CUL5: variants seen among roughly 807,000 people sequenced by gnomAD.
CUL5 encodes the protein cullin-5.
In CUL5, 26 loss-of-function variants were observed where a neutral mutation model predicts 108.8. The ratio of observed to expected loss-of-function variants is 0.24; its 90% CI spans 0.18 to 0.33. CUL5 has a LOEUF of 0.33. CUL5 is among the 10% of genes least tolerant of loss of function. The pLI is 1.00. For synonymous variants in CUL5, 334 were observed against 298.0 expected, an observed-to-expected ratio of 1.12 and a Z score of -1.25; for missense variants, 524 against 909.2, an observed-to-expected ratio of 0.58 and a Z score of 5.45.
At chr11:108,055,869 G>A (rs1005151676) in intron 7 of CUL5, among the ~76,000 whole-genome samples, 1 of 152,202 alleles carries the variant, frequency 6.6e-6, no homozygotes, top group Non-Finnish European at 1.5e-5. Context: ...AAGCTCAGGT[G>A]ATCCACCTGC....
At chr11:108,053,250 A>G (rs1863281468) in intron 5 of CUL5, among the ~76,000 whole-genome samples, 1 of 152,068 alleles carries the variant, frequency 6.6e-6, no homozygotes, top group African/African-American at 2.4e-5. Flanking sequence ...GCCTTTCTTA[A>G]TTCCCAGAGT....
chr11:108,091,695 T>TCACACACA (rs71303233), intron 13 of CUL5, among the ~76,000 whole-genome samples: 12,818 of 138,048 alleles, frequency 0.093, 693 homozygotes, highest in African/African-American at 0.13. Flanking sequence ...TCTCTCTCAC[T>TCACACACA]CACACACACA....
intron 13 of CUL5, among the ~76,000 whole-genome samples, chr11:108,091,232 A>G (rs1385775853): frequency 6.6e-6 from 1 of 151,910 alleles, no homozygotes; most frequent in East Asian, 1.9e-4. Context: ...TTGTATTTTT[A>G]GTAGAGACAC....
Position 108,089,600 on chromosome 11 carries a change from GA to G in CUL5, c.1424del (p.Asn475ThrfsTer3). 6.5e-7 allele frequency: 1 copy of G among 1,544,042 alleles called. No homozygotes were observed. On this transcript the variant is annotated frameshift_variant, in exon 13 of 19. Coordinates refer to ENST00000393094, the MANE Select transcript of CUL5 (RefSeq NM_003478.6). LOFTEE classifies it high-confidence loss of function. ...LDISADSEIEENMVEWLREVG... is the reference protein window; with the variant it reads ...LDISADSEIEXNMVEWLREVG... The stretch of plus-strand genomic sequence containing the variant: ...CATCTCTGCCGATAGTGAAATTGAA[GA>G]AAACATGGTAGAGTGGCTAAGAGTA...
chr11:108,046,155 A>G, intron 2 of CUL5, 115 bp from the exon 3 acceptor site: 1 of 586,330 alleles, frequency 1.7e-6, no homozygotes, highest in Non-Finnish European at 2.9e-6. Flanking sequence ...GAATTCAGAC[A>G]CCATTTACTT....
chr11:108,054,206 G>T (rs2135138754), intron 5 of CUL5, among the ~76,000 whole-genome samples: 1 of 152,264 alleles, frequency 6.6e-6, no homozygotes, highest in East Asian at 1.9e-4. Flanking sequence ...ACAACCATTT[G>T]TAATTTACCA....
intron 7 of CUL5, among the ~76,000 whole-genome samples, chr11:108,064,375 C>T (rs766867443): frequency 3.3e-5 from 5 of 152,146 alleles, no homozygotes; most frequent in Non-Finnish European, 5.9e-5. Context: ...ATAAATCCCA[C>T]TTGGTCATGA....
At chr11:108,045,133 A>G (rs1440657683) in intron 2 of CUL5, among the ~76,000 whole-genome samples, 1 of 152,220 alleles carries the variant, frequency 6.6e-6, no homozygotes, top group East Asian at 1.9e-4. Context: ...TCTATAATGA[A>G]GAACTTTTTT....
intron 1 of CUL5, among the ~76,000 whole-genome samples, chr11:108,024,215 T>C (rs1173872412): frequency 6.6e-6 from 1 of 152,176 alleles, no homozygotes; most frequent in Non-Finnish European, 1.5e-5. Context: ...CTATAATTTT[T>C]GACAAATAAT....
chr11:108,098,398 T>G lies in CUL5; in HGVS notation c.2025-8T>G, dbSNP rs372227025. On this transcript the variant is annotated splice_polypyrimidine_tract_variant and splice_region_variant and intron_variant, in intron 17 of 18. Coordinates refer to ENST00000393094, the MANE Select transcript of CUL5 (RefSeq NM_003478.6). ...ACCATAAAATACTTGATGCAATTCT[T>G]TTTGTAGAAAAAATGCAAAGGTTCA... The G allele has an allele frequency of 6.3e-7, 1 of 1,599,832 alleles. No homozygotes were observed. Among genetic ancestry groups the G allele is most frequent in the African/African-American group, 1.3e-5 (1 of 74,146 alleles).
intron 15 of CUL5, 118 bp from the exon 16 acceptor site, chr11:108,095,412 C>T: frequency 1.5e-6 from 1 of 665,622 alleles, no homozygotes; most frequent in Non-Finnish European, 2.5e-6. Context: ...ATGTTTATTA[C>T]TGTGAAAGAG....
chr11:108,082,208 C>G (rs1864104510), intron 11 of CUL5, among the ~76,000 whole-genome samples: 1 of 149,892 alleles, frequency 6.7e-6, no homozygotes, highest in Non-Finnish European at 1.5e-5. Flanking sequence ...CTCTTCCTTC[C>G]TCCCTCTTTC....
intron 11 of CUL5, among the ~76,000 whole-genome samples, chr11:108,080,184 C>T (rs962287678): frequency 1.3e-5 from 2 of 151,762 alleles, no homozygotes; most frequent in Non-Finnish European, 2.9e-5. Flanking sequence ...GCAGCCTCCA[C>T]CTCCTGGGCT....
rs1332503632 is a variant in CUL5, at chr11:108,105,383, G to A, written c.*999G>A. On this transcript the variant is annotated 3_prime_UTR_variant, in exon 19 of 19. Coordinates refer to ENST00000393094, the MANE Select transcript of CUL5 (RefSeq NM_003478.6). The stretch of plus-strand genomic sequence containing the variant: ...CATAGAAGTATTTTGGTATTTTAAG[G>A]TCTCATGATTAGGGATTTGTAGCCT... The A allele has an allele frequency of 6.6e-6, 1 of 152,332 alleles. No homozygotes were observed. The highest frequency in any genetic ancestry group is 1.5e-5 in the Non-Finnish European group (1 of 67,972). 9.4% of individuals were successfully genotyped at this position (152,332 alleles called of 1,614,324 possible).
At chr11:108,051,248 T>G (rs956398751) in intron 4 of CUL5, among the ~76,000 whole-genome samples, 1 of 152,234 alleles carries the variant, frequency 6.6e-6, no homozygotes, top group African/African-American at 2.4e-5. Flanking sequence ...TGCGATTTAA[T>G]TTGTAGTCTC....
Position 108,009,572 on chromosome 11 carries a change from G to T in CUL5, c.24+200G>T, listed in dbSNP as rs550025038. On this transcript the variant is annotated intron_variant, in intron 1 of 18. Coordinates refer to ENST00000393094, the MANE Select transcript of CUL5 (RefSeq NM_003478.6). ...TCGACAGGCTCTGGTGGTCGCTCCC[G>T]CCGACTGGCCGCTGGGAGAAAAGCC... Among the ~76,000 whole-genome samples, 6 of 152,160 alleles carry T rather than the reference G, an allele frequency of 3.9e-5. 1 individual carries two copies. Among genetic ancestry groups the T allele is most frequent in the African/African-American group, 1.2e-4 (5 of 41,510 alleles).
intron 7 of CUL5, among the ~76,000 whole-genome samples, chr11:108,063,655 T>TA (rs1456239644): frequency 0.053 from 336 of 6,304 alleles, 2 homozygotes; most frequent in Admixed American, 0.067. Context: ...TTAATAAAAT[T>TA]TAAAAAAAAT....
At position 108,106,620 on chromosome 11, in the gene CUL5, C is replaced by T. The variant is rs1361019060; in HGVS notation, c.*2236C>T. On this transcript the variant is annotated 3_prime_UTR_variant, in exon 19 of 19. Coordinates refer to ENST00000393094, the MANE Select transcript of CUL5 (RefSeq NM_003478.6). The stretch of plus-strand genomic sequence containing the variant: ...TGAAAATCATTTAGTTGACAAGGTG[C>T]CTATGCCATTGTTAAATTTTCTTTA... 1 of 147,682 alleles carries T rather than the reference C, an allele frequency of 6.8e-6. No homozygotes were observed. The highest frequency in any genetic ancestry group is 1.5e-5 in the Non-Finnish European group (1 of 67,152). The allele number at this position is 147,682 out of a possible 1,614,324, so 9.1% of individuals were successfully genotyped here.
chr11:108,051,360 A>T (rs893103930), intron 4 of CUL5, among the ~76,000 whole-genome samples: 6 of 152,206 alleles, frequency 3.9e-5, no homozygotes, highest in African/African-American at 1.4e-4. Flanking sequence ...TTTGGATTCA[A>T]ATCTCAGTGT....
Sources: allele counts gnomAD v4.1 joint callset (sites outside exome capture counted in the v4.1 genomes callset), GRCh38; gene constraint gnomAD v4.1.1; transcripts MANE v1.5; gene names NCBI Gene and HGNC (gene_info 2026-07-23, HGNC 2026-07-21).